Variants in TBC1D2 observed in about 807,000 individuals in gnomAD.
TBC1D2 encodes TBC1 domain family member 2.
Under a neutral mutation model 91.1 loss-of-function variants are expected in TBC1D2, and 58 were observed. That is an observed-to-expected ratio of 0.64 (90% confidence interval 0.52 to 0.79). The LOEUF is 0.79. Among genes scored for constraint, TBC1D2 ranks in the 30% least tolerant of loss-of-function variants. The pLI is 0.00. For synonymous variants in TBC1D2, 482 were observed against 511.5 expected, an observed-to-expected ratio of 0.94 and a Z score of 0.78; for missense variants, 1,080 against 1,208.3, an observed-to-expected ratio of 0.89 and a Z score of 1.57.
intron 6 of TBC1D2, among the ~76,000 whole-genome samples, chr9:98,219,652 T>G (rs1829048519): frequency 6.6e-6 from 1 of 152,200 alleles, no homozygotes; most frequent in African/African-American, 2.4e-5. Context: ...ATACCATAGG[T>G]GGCTGTCACA....
chr9:98,223,175 G>A (rs1313700955), intron 5 of TBC1D2, among the ~76,000 whole-genome samples: 1 of 152,234 alleles, frequency 6.6e-6, no homozygotes, highest in East Asian at 1.9e-4. Context: ...CTTCTGTCTG[G>A]GGTGGAGGTT....
intron 8 of TBC1D2, among the ~76,000 whole-genome samples, chr9:98,209,798 T>TCCTTCC (rs1588034286): frequency 1.4e-5 from 2 of 146,468 alleles, no homozygotes; most frequent in African/African-American, 2.5e-5. Flanking sequence ...CTTCCTTTCT[T>TCCTTCC]TTTCTTTCTT....
chr9:98,217,136 G>A (rs960645492), intron 6 of TBC1D2, among the ~76,000 whole-genome samples: 6 of 152,206 alleles, frequency 3.9e-5, no homozygotes, highest in Non-Finnish European at 5.9e-5. Context: ...AGTGGGTGGC[G>A]TCGGGCAGTA....
chr9:98,209,140 AC>A lies in TBC1D2; in HGVS notation c.1677del (p.Lys559AsnfsTer8). Reference sequence around the variant, plus strand: ...ACCGTCAGGAAGCCGTACTCATCATACTTACTGCCAGCAAAAGTGCACGTTA... The same window carrying A: ...ACCGTCAGGAAGCCGTACTCATCATATTACTGCCAGCAAAAGTGCACGTTA... Reference protein sequence around the residue: ...SDSIELSPISKYDEYGFLTVP... With the variant: ...SDSIELSPISXYDEYGFLTVP... On this transcript the variant is annotated frameshift_variant, in exon 9 of 13. Transcript: ENST00000465784. LOFTEE classifies it high-confidence loss of function. 6.2e-7 allele frequency: 1 copy of A among 1,606,588 alleles called. No individual in the cohort carries two copies. The highest frequency in any genetic ancestry group is 8.5e-7 in the Non-Finnish European group (1 of 1,173,728).
chr9:98,237,668 G>A (rs59155179), intron 3 of TBC1D2, among the ~76,000 whole-genome samples: 18,562 of 149,874 alleles, frequency 0.12, 2,636 homozygotes, highest in African/African-American at 0.35. Context: ...CACCATGCCC[G>A]GCTAATTTTT....
At position 98,199,423 on chromosome 9, in the gene TBC1D2, G is replaced by A. The variant is rs749420056; in HGVS notation, c.2745C>T (p.Ser915=). The change falls in exon 13 of 13, where the codon TCC becomes TCT. Residue 915 remains serine (S), a synonymous_variant. Transcript: ENST00000465784. ...ERRASRRRAV[S]EGCASEDEVE... ...CCTCGTCCTCGCTGGCACAGCCCTC[G>A]GACACAGCTCTGCGCCGGGATGCCC... 1.5e-5 allele frequency: 24 copies of A among 1,613,720 alleles called. No individual in the cohort carries two copies. In the East Asian group the frequency reaches 3.6e-4, roughly 24 times the overall value.
chr9:98,205,250 G>C (rs1342675234), intron 9 of TBC1D2, among the ~76,000 whole-genome samples: 1 of 152,326 alleles, frequency 6.6e-6, no homozygotes, highest in East Asian at 1.9e-4. Flanking sequence ...TTAGCTGCCA[G>C]CATTGGTTTA....
rs566563518 is a variant in TBC1D2 at position 98,209,454 on chromosome 9, G to A, written c.1674-310C>T. Among the ~76,000 whole-genome samples, 13 of 152,228 alleles carry A rather than the reference G, an allele frequency of 8.5e-5. No homozygotes were observed. The South Asian group carries it at 2.7e-3, about 32-fold the overall frequency. ...TTACTAATTCTATGCAAATATAAAG[G>A]ACCCTCTTATTACTCCATGCAGCCT... is the stretch of plus-strand genomic sequence containing the variant. On this transcript the variant is annotated intron_variant, in intron 8 of 12. Coordinates refer to ENST00000465784, the MANE Select transcript of TBC1D2 (RefSeq NM_001267571.2).
intron 2 of TBC1D2, among the ~76,000 whole-genome samples, chr9:98,248,318 A>T (rs1829807430): frequency 6.6e-6 from 1 of 152,278 alleles, no homozygotes; most frequent in Non-Finnish European, 1.5e-5. Context: ...AGGAGGCAGA[A>T]TCAATGACCT....
intron 1 of TBC1D2, 105 bp downstream of exon 1, chr9:98,255,068 G>A: frequency 6.7e-7 from 1 of 1,482,188 alleles, no homozygotes; most frequent in Non-Finnish European, 8.9e-7. Context: ...TGTCGTCACC[G>A]ACACTCCAAA....
In TBC1D2 at chr9:98,244,039, G is replaced by C. The variant is rs1305306027; in HGVS notation, c.602C>G (p.Pro201Arg). ...CTTGAGGGAAATATTCTGAAGGGCA[G>C]GGAAGGGCTGCAAGGCAGCTGCCAC... ...VGVAAALQPFPALQNISLKHL... is the reference protein window; with the variant it reads ...VGVAAALQPFRALQNISLKHL... Residue 201 changes from proline to arginine, a missense_variant, in exon 3 of 13, where the codon CCT becomes CGT. Physicochemically the swap from Pro to Arg is moderately radical, Grantham distance 103. Coordinates refer to ENST00000465784, the MANE Select transcript of TBC1D2 (RefSeq NM_001267571.2). The C allele has an allele frequency of 1.2e-6, 2 of 1,611,638 alleles. No homozygotes were observed. Among genetic ancestry groups the C allele is most frequent in the Non-Finnish European group, 1.7e-6 (2 of 1,178,978 alleles).
chr9:98,230,830 G>A (rs561242056), intron 4 of TBC1D2, among the ~76,000 whole-genome samples: 4 of 152,224 alleles, frequency 2.6e-5, no homozygotes, highest in South Asian at 2.1e-4. Context: ...GTAGTGAGCC[G>A]AGATCATGCC....
chr9:98,230,589 TAAAG>T (rs1185953230), intron 4 of TBC1D2, among the ~76,000 whole-genome samples: 1 of 151,934 alleles, frequency 6.6e-6, no homozygotes, highest in Non-Finnish European at 1.5e-5. Context: ...CTTGAACAAA[TAAAG>T]AGTTACTCCA....
rs1828821447 is a variant in TBC1D2, at chr9:98,210,909, C to CTGAGGCT, written c.1486-67_1486-66insAGCCTCA. On this transcript the variant is annotated intron_variant, in intron 7 of 12. Coordinates refer to ENST00000465784, the MANE Select transcript of TBC1D2 (RefSeq NM_001267571.2). ...CTGGGCCGCCCCAGAGGCCTGAGGC[C>CTGAGGCT]TGAACAGCTTTAGGCAGCACAGCCC... The CTGAGGCT allele has an allele frequency of 5.5e-6, 8 of 1,450,838 alleles. No individual in the cohort carries two copies. The South Asian group carries it at 9.3e-5, about 17-fold the overall frequency. The allele number at this position is 1,450,838 out of a possible 1,614,324, so 89.9% of individuals were successfully genotyped here.
rs1368364553 is a variant in TBC1D2 at position 98,208,924 on chromosome 9, G to A, written c.1894C>T (p.Pro632Ser). Residue 632 changes from proline to serine, a missense_variant, in exon 9 of 13, where the codon CCT becomes TCT. By Grantham distance (74) the Pro-to-Ser change is moderately conservative. Coordinates refer to ENST00000465784, the MANE Select transcript of TBC1D2 (RefSeq NM_001267571.2). ...TGGACCAGCCACCTCCAGACACGAG[G>A]CCGGTGTTCACGGGGTACTCCTGCC... ...LRAGVPREHR[P>S]RVWRWLVHLR... 6.2e-7 allele frequency: 1 copy of A among 1,614,152 alleles called. No individual in the cohort carries two copies. The highest frequency in any genetic ancestry group is 1.7e-5 in the Admixed American group (1 of 60,032).
chr9:98,215,354 C>T (rs748549964), intron 6 of TBC1D2, among the ~76,000 whole-genome samples: 5 of 152,160 alleles, frequency 3.3e-5, no homozygotes, highest in African/African-American at 1.2e-4. Flanking sequence ...ACCAACACCA[C>T]GCAGCATATA....
chr9:98,237,573 C>T (rs1829537746), intron 3 of TBC1D2, among the ~76,000 whole-genome samples: 1 of 150,860 alleles, frequency 6.6e-6, no homozygotes, highest in South Asian at 2.1e-4. Flanking sequence ...GTGGCACGAT[C>T]TCGGCTCACT....
intron 1 of TBC1D2, among the ~76,000 whole-genome samples, chr9:98,252,403 A>T (rs1389183361): frequency 2.0e-5 from 3 of 152,092 alleles, no homozygotes; most frequent in Non-Finnish European, 4.4e-5. Context: ...TGCCTTGGGG[A>T]TGCACTGGAA....
rs758293479 is a variant in TBC1D2, at chr9:98,210,782, C to T, written c.1547G>A (p.Arg516Lys). The change falls in exon 8 of 13, where the codon AGG becomes AAG. Residue 516 changes from arginine (R) to lysine (K), a missense_variant. By Grantham distance (26) the Arg-to-Lys change is conservative. Coordinates refer to ENST00000465784, the MANE Select transcript of TBC1D2 (RefSeq NM_001267571.2). ...TTCGTCCCCCAGGGCCTCCTGCAGC[C>T]TTCTCAGACCGGCCAGGTACTTGCT... ...VESKYLAGLR[R>K]LQEALGDEAS... The T allele has an allele frequency of 1.6e-5, 25 of 1,557,430 alleles. No individual in the cohort carries two copies. Among genetic ancestry groups the T allele is most frequent in the Non-Finnish European group, 1.9e-5 (22 of 1,150,278 alleles).
Sources: gnomAD v4.1 joint callset for allele counts (sites outside exome capture counted in the v4.1 genomes callset) on GRCh38, gnomAD v4.1.1 for gene constraint, MANE v1.5 for transcripts, NCBI Gene and HGNC (gene_info 2026-07-23, HGNC 2026-07-21) for gene names.